The following STAT5A variants were observed in gnomAD, a reference collection of about 807,000 sequenced individuals.
STAT5A encodes signal transducer and activator of transcription 5A, also known as epididymis secretory sperm binding protein.
A neutral mutation model predicts 100.2 loss-of-function variants in STAT5A; 26 were observed. The ratio of observed to expected loss-of-function variants is 0.26; its 90% CI spans 0.19 to 0.36. STAT5A has a LOEUF of 0.36. STAT5A is among the 10% of genes least tolerant of loss of function. The pLI is 1.00. For missense variants in STAT5A, 634 were observed against 1,027.5 expected (o/e 0.62, Z 5.24); for synonymous variants, 330 against 424.3 (o/e 0.78, Z 2.73).
intron 17 of STAT5A, 93 bp downstream of exon 17, chr17:42,309,191 TC>T: frequency 2.5e-6 from 4 of 1,604,686 alleles, no homozygotes; most frequent in Non-Finnish European, 2.6e-6. Context: ...AGCTTTCCGC[TC>T]CCCCAGGGAA....
chr17:42,310,706 G>A lies in STAT5A; in HGVS notation c.*37G>A. The A allele has an allele frequency of 1.2e-6, 2 of 1,612,822 alleles. No individual in the cohort carries two copies. ...CCACGCTTCTCTTTGGAAACAATAT[G>A]CAATGTGAAGCGGTCGTGTTGTGAG... On this transcript the variant is annotated 3_prime_UTR_variant, in exon 19 of 19. Coordinates refer to ENST00000590949, the MANE Select transcript of STAT5A (RefSeq NM_001288718.2).
intron 4 of STAT5A, among the ~76,000 whole-genome samples, chr17:42,292,550 A>G (rs2080879880): frequency 6.8e-6 from 1 of 148,094 alleles, no homozygotes; most frequent in Non-Finnish European, 1.5e-5. Context: ...GGATGGTCTC[A>G]ACCTGACCTC....
chr17:42,308,263 C>CT lies in STAT5A; in HGVS notation c.1993dup (p.Tyr665LeufsTer8). On this transcript the variant is annotated frameshift_variant, in exon 16 of 19. Transcript: ENST00000590949. LOFTEE classifies it high-confidence loss of function. The surrounding 1 kb of genome is among the most constrained non-coding windows in gnomAD (Gnocchi z 4.6). The stretch of plus-strand genomic sequence containing the variant: ...TGGCTGACCGGCTGGGGGACCTGAG[C>CT]TATCTCATCTATGTGTTTCCTGACC... 1 of 1,614,210 alleles carries CT rather than the reference C, an allele frequency of 6.2e-7. No homozygotes were observed.
In STAT5A at chr17:42,306,305, T is replaced by A; in HGVS notation, c.1538T>A (p.Met513Lys). Residue 513 changes from methionine to lysine, a missense_variant, in exon 13 of 19, where the codon ATG becomes AAG. Coordinates refer to ENST00000590949, the MANE Select transcript of STAT5A (RefSeq NM_001288718.2). The stretch of plus-strand genomic sequence containing the variant: ...CCGCAGCTGTGTGAGGCGCTCAACA[T>A]GAAATTCAAGGCCGAAGTGCAGAGC... ...LWPQLCEALN[M>K]KFKAEVQSNR... 6.2e-7 allele frequency: 1 copy of A among 1,614,052 alleles called. No homozygotes were observed. Among genetic ancestry groups the A allele is most frequent in the Non-Finnish European group, 8.5e-7 (1 of 1,179,958 alleles).
rs1340169491 is a variant in STAT5A, at chr17:42,306,438, G to A, written c.1671G>A (p.Gln557=). Residue 557 remains glutamine (Q), a synonymous_variant, in exon 13 of 19, where the codon CAG becomes CAA. Transcript: ENST00000590949. The part of the protein sequence containing the change: ...DYSGLSVSWS[Q]FNRENLPGWN... ...GTGGCCTGTCCGTGTCCTGGTCCCA[G>A]TTCAACAGGGTGAGGGGCCCAGCTG... 2.5e-6 allele frequency: 4 copies of A among 1,611,908 alleles called. No individual in the cohort carries two copies. Among genetic ancestry groups the A allele is most frequent in the South Asian group, 1.1e-5 (1 of 90,690 alleles).
rs1447894787 is a variant in STAT5A at position 42,300,038 on chromosome 17, G to C, written c.682-92G>C. 5.2e-6 allele frequency: 6 copies of C among 1,157,316 alleles called. No individual in the cohort carries two copies. In the East Asian group the frequency reaches 1.3e-4, roughly 25 times the overall value. 71.7% of individuals were successfully genotyped at this position (1,157,316 alleles called of 1,614,324 possible). A position where few individuals can be genotyped will look rare whatever the true frequency, so the allele number is the denominator to read the frequency against. ...CGAGGCAGAGCAGCTTGGGGAGAGGGAACGGCCTGGGCCCTGCCCTGCCAT... is the reference window on the plus strand; with the variant it reads ...CGAGGCAGAGCAGCTTGGGGAGAGGCAACGGCCTGGGCCCTGCCCTGCCAT... On this transcript the variant is annotated intron_variant, in intron 6 of 18. Coordinates refer to ENST00000590949, the MANE Select transcript of STAT5A (RefSeq NM_001288718.2).
chr17:42,291,925 G>A (rs1236379064), intron 3 of STAT5A, 47 bp from the exon 4 acceptor site: 3 of 1,603,420 alleles, frequency 1.9e-6, no homozygotes, highest in Non-Finnish European at 8.5e-7. Context: ...GGGCTGGCAT[G>A]GCTGGAGCAG....
chr17:42,295,877 G>T, intron 5 of STAT5A, 84 bp downstream of exon 5: 7 of 1,553,568 alleles, frequency 4.5e-6, no homozygotes, highest in Non-Finnish European at 6.1e-6. Context: ...AGCTGGGTCA[G>T]TGTCCATCTC....
chr17:42,297,359 C>T (rs192825232), intron 5 of STAT5A, among the ~76,000 whole-genome samples: 1 of 152,300 alleles, frequency 6.6e-6, no homozygotes, highest in East Asian at 1.9e-4. Flanking sequence ...TATTCCTACC[C>T]AAGTCCTTAG....
At chr17:42,293,101 T>C (rs377762567) in intron 4 of STAT5A, among the ~76,000 whole-genome samples, 2 of 152,246 alleles carry the variant, frequency 1.3e-5, no homozygotes, top group African/African-American at 2.4e-5. Flanking sequence ...AGTGCTGTAC[T>C]ATCTGCAATA....
chr17:42,296,245 T>C (rs1459509592), intron 5 of STAT5A, among the ~76,000 whole-genome samples: 1 of 152,192 alleles, frequency 6.6e-6, no homozygotes, highest in Non-Finnish European at 1.5e-5. Context: ...ATTGGAAGTC[T>C]TCTGGTTGAA....
Position 42,308,994 on chromosome 17 carries a change from C to T in STAT5A, c.2063-53C>T. On this transcript the variant is annotated intron_variant, in intron 16 of 18. Coordinates refer to ENST00000590949, the MANE Select transcript of STAT5A (RefSeq NM_001288718.2). The surrounding 1 kb of genome is among the most constrained non-coding windows in gnomAD (Gnocchi z 4.6). ...CTACATGGGGCGTGGGCTTCCACCCCACTTGGGAGTTCCCAGAGACTTTGG... is the reference window on the plus strand; with the variant it reads ...CTACATGGGGCGTGGGCTTCCACCCTACTTGGGAGTTCCCAGAGACTTTGG... 2.0e-5 allele frequency: 33 copies of T among 1,613,246 alleles called. No individual in the cohort carries two copies. The highest frequency in any genetic ancestry group is 2.6e-5 in the Non-Finnish European group (31 of 1,179,212).
intron 4 of STAT5A, 141 bp from the exon 5 acceptor site, chr17:42,295,478 T>C: frequency 1.2e-6 from 1 of 832,622 alleles, no homozygotes; most frequent in Non-Finnish European, 1.8e-6. Flanking sequence ...ATGCAAATGA[T>C]CCTTCCTTCT....
At position 42,291,901 on chromosome 17, in the gene STAT5A, C is replaced by G. The variant is rs1004137234; in HGVS notation, c.286-71C>G. The G allele has an allele frequency of 1.3e-5, 20 of 1,542,742 alleles. No individual in the cohort carries two copies. In the African/African-American group the frequency reaches 2.3e-4, roughly 18 times the overall value. On this transcript the variant is annotated intron_variant, in intron 3 of 18. Transcript: ENST00000590949. ...GGCAGAGGCTGAAGGAGAGGAAGGGCTGGGCATAGCATGGGGCTGGCATGG... is the reference window on the plus strand; with the variant it reads ...GGCAGAGGCTGAAGGAGAGGAAGGGGTGGGCATAGCATGGGGCTGGCATGG...
intron 8 of STAT5A, 76 bp downstream of exon 8, chr17:42,300,946 C>T: frequency 2.5e-6 from 4 of 1,603,780 alleles, no homozygotes; most frequent in Non-Finnish European, 3.4e-6. Flanking sequence ...CAGGTGCCTT[C>T]CAGACCAGCA....
chr17:42,298,531 G>A (rs1011988569), intron 5 of STAT5A, among the ~76,000 whole-genome samples: 1 of 149,210 alleles, frequency 6.7e-6, no homozygotes, highest in Non-Finnish European at 1.5e-5. Context: ...GAGTGCAGTG[G>A]CCCAATCTCG....
chr17:42,300,838 C>T lies in STAT5A; in HGVS notation c.957C>T (p.Thr319=), dbSNP rs940464727. 9 of 1,612,348 alleles carry T rather than the reference C, an allele frequency of 5.6e-6. No homozygotes were observed. In the African/African-American group the frequency reaches 1.2e-4, roughly 22 times the overall value. Reference sequence around the variant, plus strand: ...AGATGCTGGCCGAGGTCAACGCCACCATCACGGACATTATCTCAGCCCTGG... The same window carrying T: ...AGATGCTGGCCGAGGTCAACGCCACTATCACGGACATTATCTCAGCCCTGG... ...VEEMLAEVNA[T]ITDIISALVT... is the part of the protein sequence containing the mutation. Residue 319 remains threonine (T), a synonymous_variant, in exon 8 of 19, where the codon ACC becomes ACT. Transcript: ENST00000590949.
chr17:42,304,255 G>A lies in STAT5A; in HGVS notation c.1170-87G>A, dbSNP rs1270329846. 7.5e-6 allele frequency: 10 copies of A among 1,326,710 alleles called. No homozygotes were observed. Among genetic ancestry groups the A allele is most frequent in the Non-Finnish European group, 1.1e-5 (10 of 931,408 alleles). The allele number at this position is 1,326,710 out of a possible 1,614,324, so 82.2% of individuals were successfully genotyped here. ...CAGGGGCTGCTGGCAGGGCTGACCTGAGCGAAGACCCCAGCCCGAGGTGTG... is the reference window on the plus strand; with the variant it reads ...CAGGGGCTGCTGGCAGGGCTGACCTAAGCGAAGACCCCAGCCCGAGGTGTG... On this transcript the variant is annotated intron_variant, in intron 9 of 18. Coordinates refer to ENST00000590949, the MANE Select transcript of STAT5A (RefSeq NM_001288718.2). This position sits in a 1 kb window ranked among gnomAD's most constrained non-coding sequence, Gnocchi z 4.8.
rs1489881198 is a variant in STAT5A at position 42,299,788 on chromosome 17, G to A, written c.588G>A (p.Glu196=). Residue 196 remains glutamate (E), a synonymous_variant, in exon 6 of 19, where the codon GAG becomes GAA. Coordinates refer to ENST00000590949, the MANE Select transcript of STAT5A (RefSeq NM_001288718.2). ...FAQLAQLSPQ[E]RLSRETALQQ... ...AGCTGGCCCAGCTGAGCCCCCAGGA[G>A]CGTCTGAGCCGGGAGACGGCCCTCC... is the stretch of plus-strand genomic sequence containing the variant. The A allele has an allele frequency of 1.2e-6, 2 of 1,614,144 alleles. No individual in the cohort carries two copies. The highest frequency in any genetic ancestry group is 1.7e-6 in the Non-Finnish European group (2 of 1,180,016).
Sources: allele counts gnomAD v4.1 joint callset (sites outside exome capture counted in the v4.1 genomes callset), GRCh38; gene constraint gnomAD v4.1.1; non-coding constraint Gnocchi (gnomAD v3.1); transcripts MANE v1.5; gene names NCBI Gene and HGNC (gene_info 2026-07-23, HGNC 2026-07-21).